The following ZC3H12B variants were observed in gnomAD, a reference collection of about 807,000 sequenced individuals.
ZC3H12B encodes the protein zinc finger CCCH-type containing 12B, also known as probable ribonuclease ZC3H12B.
In ZC3H12B, 7 loss-of-function variants were observed where a neutral mutation model predicts 43.9. The observed-to-expected ratio is 0.16, with a 90% CI of 0.09 to 0.30. The LOEUF (loss-of-function observed/expected upper bound fraction) is 0.30, where lower values mean the gene tolerates loss of function less well. Ranked by LOEUF, ZC3H12B falls within the 10% of genes least tolerant of loss-of-function variation. ZC3H12B has a pLI of 1.00. For missense variants in ZC3H12B, 475 were observed against 670.2 expected, an observed-to-expected ratio of 0.71 and a Z score of 3.22; for synonymous variants, 222 against 241.7, an observed-to-expected ratio of 0.92 and a Z score of 0.76.
chrX:65,107,673 TTGAG>T, the ZC3H12B span, among the ~76,000 whole-genome samples: 2 of 111,150 alleles, frequency 1.8e-5, no homozygotes, highest in East Asian at 2.9e-4. Flanking sequence ...TCTCGTGATA[TTGAG>T]TGAGTTCTCA....
At chrX:65,311,545 G>A in the ZC3H12B span, among the ~76,000 whole-genome samples, 1 of 112,008 alleles carries the variant, frequency 8.9e-6, no homozygotes, top group African/African-American at 3.2e-5. Context: ...CACTGTTGGT[G>A]GGACTGTAAA....
chrX:65,282,110 G>T, the ZC3H12B span, among the ~76,000 whole-genome samples: 1 of 110,512 alleles, frequency 9.0e-6, no homozygotes, highest in East Asian at 2.8e-4. Context: ...CATAATAAAG[G>T]CTATATATGA....
chrX:65,152,871 G>T, the ZC3H12B span, among the ~76,000 whole-genome samples: 2 of 111,703 alleles, frequency 1.8e-5, no homozygotes, highest in Non-Finnish European at 3.8e-5. Context: ...CATGGTACTG[G>T]TACCAAAACA....
chrX:65,151,935 A>C, the ZC3H12B span, among the ~76,000 whole-genome samples: 2 of 112,008 alleles, frequency 1.8e-5, no homozygotes, highest in African/African-American at 6.5e-5. Context: ...ATATACGCAA[A>C]TCAATAACTG....
chrX:65,108,012 TA>T, the ZC3H12B span, among the ~76,000 whole-genome samples: 1 of 111,547 alleles, frequency 9.0e-6, no homozygotes, highest in South Asian at 3.7e-4. Flanking sequence ...TTTGTGTCTC[TA>T]AACATAGAAA....
At chrX:65,093,031 G>A in the ZC3H12B span, among the ~76,000 whole-genome samples, 1 of 111,728 alleles carries the variant, frequency 9.0e-6, no homozygotes, top group African/African-American at 3.3e-5. Context: ...CACAGCTTTG[G>A]GACACTGCTC....
the ZC3H12B span, among the ~76,000 whole-genome samples, chrX:65,136,567 C>T: frequency 3.6e-5 from 4 of 111,033 alleles, no homozygotes; most frequent in Non-Finnish European, 7.5e-5. Flanking sequence ...GATTTTTGTC[C>T]TGCTAGACTG....
chrX:65,428,445 GTTCATGTTTTAA>G (rs2067110633), intron 3 of ZC3H12B, among the ~76,000 whole-genome samples: 1 of 112,062 alleles, frequency 8.9e-6, no homozygotes, highest in Non-Finnish European at 1.9e-5. Flanking sequence ...TGGAGGTTTT[GTTCATGTTTTAA>G]TTCCTTTTTC....
At chrX:65,211,991 T>C in the ZC3H12B span, among the ~76,000 whole-genome samples, 3 of 69,406 alleles carry the variant, frequency 4.3e-5, no homozygotes, top group Non-Finnish European at 7.1e-5. Context: ...TAATATATAA[T>C]ATATGTTATG....
At chrX:65,395,723 C>T (rs984580782) in intron 2 of ZC3H12B, among the ~76,000 whole-genome samples, 1 of 111,605 alleles carries the variant, frequency 9.0e-6, no homozygotes, top group Non-Finnish European at 1.9e-5. Flanking sequence ...GGAGAAGTCC[C>T]ATTTTTTCTA....
At chrX:65,393,864 G>C (rs976588521) in intron 2 of ZC3H12B, among the ~76,000 whole-genome samples, 1 of 111,960 alleles carries the variant, frequency 8.9e-6, no homozygotes, top group African/African-American at 3.2e-5. Context: ...AGCATCTATT[G>C]TTTCCAGACT....
chrX:65,181,722 G>A, the ZC3H12B span, among the ~76,000 whole-genome samples: 5 of 112,005 alleles, frequency 4.5e-5, no homozygotes, highest in Admixed American at 4.8e-4. Context: ...AGACCAGTTA[G>A]AATGGTGATC....
the ZC3H12B span, among the ~76,000 whole-genome samples, chrX:65,338,575 AT>A: frequency 8.9e-6 from 1 of 112,158 alleles, no homozygotes; most frequent in African/African-American, 3.2e-5. Flanking sequence ...ATAAAACTCT[AT>A]GCCAATATCT....
chrX:65,363,670 A>G (rs2066134156), upstream of ZC3H12B, among the ~76,000 whole-genome samples: 1 of 111,388 alleles, frequency 9.0e-6, no homozygotes, highest in Non-Finnish European at 1.9e-5. Flanking sequence ...CAGAATTCTT[A>G]CACAAGGACC....
the ZC3H12B span, among the ~76,000 whole-genome samples, chrX:65,147,655 T>C: frequency 8.1e-5 from 9 of 111,236 alleles, no homozygotes; most frequent in East Asian, 2.3e-3. Flanking sequence ...GAGGCAATGC[T>C]GGGTTTTGTG....
At chrX:65,334,624 A>G in the ZC3H12B span, among the ~76,000 whole-genome samples, 1 of 111,841 alleles carries the variant, frequency 8.9e-6, no homozygotes, top group African/African-American at 3.2e-5. Flanking sequence ...ATATAAATGC[A>G]GAGAGAGACA....
chrX:65,127,767 G>T, the ZC3H12B span, among the ~76,000 whole-genome samples: 1 of 110,870 alleles, frequency 9.0e-6, no homozygotes, highest in African/African-American at 3.3e-5. Context: ...GATTATGGCT[G>T]CCTCTGCTAA....
chrX:65,426,546 C>G (rs372842949), intron 3 of ZC3H12B, among the ~76,000 whole-genome samples: 2 of 110,063 alleles, frequency 1.8e-5, no homozygotes, highest in African/African-American at 6.6e-5. Context: ...TTCTCTAGTT[C>G]TTTTAATTGA....
the ZC3H12B span, among the ~76,000 whole-genome samples, chrX:65,287,984 A>G: frequency 2.0e-5 from 2 of 100,375 alleles, no homozygotes; most frequent in Non-Finnish European, 3.9e-5. Context: ...CTGAAATTTT[A>G]TATACATATA....
Sources: allele counts gnomAD v4.1 joint callset (sites outside exome capture counted in the v4.1 genomes callset), GRCh38; gene constraint gnomAD v4.1.1; transcripts MANE v1.5; gene names NCBI Gene and HGNC (gene_info 2026-07-23, HGNC 2026-07-21).